IGF2BP2: variants seen among roughly 807,000 people sequenced by gnomAD.
IGF2BP2 encodes the protein insulin like growth factor 2 mRNA binding protein 2.
Under a neutral mutation model 75.8 loss-of-function variants are expected in IGF2BP2, and 17 were observed. That is an observed-to-expected ratio of 0.22 (90% CI 0.15 to 0.34). The LOEUF (loss-of-function observed/expected upper bound fraction) is 0.34, where lower values mean the gene tolerates loss of function less well. Ranked by LOEUF, IGF2BP2 falls within the 10% of genes least tolerant of loss-of-function variation. The pLI is 1.00. For synonymous variants in IGF2BP2, 288 were observed against 295.6 expected (o/e 0.97, Z 0.26); for missense variants, 516 against 772.4 (o/e 0.67, Z 3.93).
intron 2 of IGF2BP2, among the ~76,000 whole-genome samples, chr3:185,721,199 GT>G (rs1720487089): frequency 6.6e-6 from 1 of 151,762 alleles, no homozygotes; most frequent in African/African-American, 2.4e-5. Context: ...TTTTGTTTTT[GT>G]TTATTATTAT....
At chr3:185,793,827 T>A (rs997368017) in intron 2 of IGF2BP2, among the ~76,000 whole-genome samples, 1 of 152,110 alleles carries the variant, frequency 6.6e-6, no homozygotes, top group Non-Finnish European at 1.5e-5. Context: ...AGATTCCCAG[T>A]CTTGGAATCT....
chr3:185,673,726 GA>G (rs1718876016), intron 9 of IGF2BP2, among the ~76,000 whole-genome samples: 1 of 151,976 alleles, frequency 6.6e-6, no homozygotes, highest in South Asian at 2.1e-4. Flanking sequence ...AGAACTTTTG[GA>G]ATAGCAGTGC....
At chr3:185,735,723 T>G (rs554146993) in intron 2 of IGF2BP2, among the ~76,000 whole-genome samples, 121 of 152,268 alleles carry the variant, frequency 7.9e-4, no homozygotes, top group African/African-American at 2.7e-3. Flanking sequence ...TGCCACTAAA[T>G]AGCATCTCCT....
chr3:185,681,205 C>CA (rs1462907524), intron 7 of IGF2BP2, among the ~76,000 whole-genome samples: 2 of 151,820 alleles, frequency 1.3e-5, no homozygotes, highest in Non-Finnish European at 2.9e-5. Flanking sequence ...AAAGATTTTA[C>CA]AAAAAAGGTT....
rs772604103 is a variant in IGF2BP2 at position 185,645,513 on chromosome 3, C to G, written c.*18G>C. The stretch of plus-strand genomic sequence containing the variant: ...AGGGCTACATTCATCCGTTGTTTTG[C>G]TGGTGCCTGTGGGAGCCTCACTTGC... On this transcript the variant is annotated 3_prime_UTR_variant, in exon 16 of 16. Coordinates refer to ENST00000382199, the MANE Select transcript of IGF2BP2 (RefSeq NM_006548.6). This position sits in a 1 kb window ranked among gnomAD's most constrained non-coding sequence, Gnocchi z 4.9. The G allele has an allele frequency of 1.3e-6, 2 of 1,569,914 alleles. No homozygotes were observed. The highest frequency in any genetic ancestry group is 1.8e-6 in the Non-Finnish European group (2 of 1,139,988).
chr3:185,731,746 G>A (rs1204655347), intron 2 of IGF2BP2, among the ~76,000 whole-genome samples: 2 of 151,900 alleles, frequency 1.3e-5, no homozygotes, highest in East Asian at 2.0e-4. Flanking sequence ...AGGCCGAGGC[G>A]GGCGGATCAC....
intron 7 of IGF2BP2, among the ~76,000 whole-genome samples, chr3:185,680,187 CA>C (rs1320517341): frequency 6.6e-6 from 1 of 152,058 alleles, no homozygotes; most frequent in African/African-American, 2.4e-5. Context: ...TGTATGCCTA[CA>C]AATTTAATAA....
chr3:185,742,274 A>C (rs1401784309), intron 2 of IGF2BP2, among the ~76,000 whole-genome samples: 1 of 151,718 alleles, frequency 6.6e-6, no homozygotes, highest in African/African-American at 2.4e-5. Flanking sequence ...CAAGTGGATT[A>C]CTTGAGGTCA....
intron 10 of IGF2BP2, among the ~76,000 whole-genome samples, chr3:185,665,583 A>G (rs1239276381): frequency 1.1e-4 from 12 of 113,940 alleles, no homozygotes; most frequent in African/African-American, 2.0e-4. Context: ...AGAAGGAGAA[A>G]AGGAAGAAGA....
chr3:185,689,501 C>T lies in IGF2BP2; in HGVS notation c.531G>A (p.Arg177=). ...QRAQRGDHSS[R]EQGHAPGGTS... ...TGCCCCCAGGGGCGTGGCCTTGCTC[C>T]CGGGAAGAGTGGTCCCCACGCTGGG... Residue 177 remains arginine (R), a synonymous_variant, in exon 6 of 16, where the codon CGG becomes CGA. Transcript: ENST00000382199. 6.2e-7 allele frequency: 1 copy of T among 1,613,996 alleles called. No individual in the cohort carries two copies. The highest frequency in any genetic ancestry group is 8.5e-7 in the Non-Finnish European group (1 of 1,179,926).
At chr3:185,762,780 G>A (rs191053367) in intron 2 of IGF2BP2, among the ~76,000 whole-genome samples, 25 of 152,250 alleles carry the variant, frequency 1.6e-4, no homozygotes, top group African/African-American at 5.5e-4. Context: ...GCACAGATGA[G>A]TTTCTTAATA....
intron 3 of IGF2BP2, among the ~76,000 whole-genome samples, chr3:185,697,352 T>A (rs1722718445): frequency 1.3e-5 from 2 of 152,090 alleles, no homozygotes; most frequent in South Asian, 4.1e-4. Context: ...GTGATCCTCC[T>A]GCCTTGGCCT....
rs79642753 is a variant in IGF2BP2, at chr3:185,816,487, C to T, written c.239+6666G>A. On this transcript the variant is annotated intron_variant, in intron 2 of 15. Coordinates refer to ENST00000382199, the MANE Select transcript of IGF2BP2 (RefSeq NM_006548.6). Reference sequence around the variant, plus strand: ...ATGTATTTTCATATATTTCTACCACCCTCGAACAGCATTCTTCGAACTTTA... The same window carrying T: ...ATGTATTTTCATATATTTCTACCACTCTCGAACAGCATTCTTCGAACTTTA... 3.2e-3 allele frequency among the ~76,000 whole-genome samples: 488 copies of T among 152,262 alleles called. 4 individuals are homozygous for T. Among genetic ancestry groups the T allele is most frequent in the African/African-American group, 0.011 (443 of 41,536 alleles).
chr3:185,780,271 A>G (rs933304736), intron 2 of IGF2BP2, among the ~76,000 whole-genome samples: 2 of 152,204 alleles, frequency 1.3e-5, no homozygotes, highest in Admixed American at 6.6e-5. Context: ...GAGGAAAGGG[A>G]CCAGGATTAG....
At chr3:185,813,931 T>TA (rs1740257662) in intron 2 of IGF2BP2, 1 of 152,246 alleles carries the variant, frequency 6.6e-6, no homozygotes, top group Non-Finnish European at 1.5e-5. Flanking sequence ...TGTGAGGCCT[T>TA]AGAGAAAGAA....
At chr3:185,814,386 AC>A (rs1740325339) in intron 2 of IGF2BP2, among the ~76,000 whole-genome samples, 1 of 152,242 alleles carries the variant, frequency 6.6e-6, no homozygotes. Flanking sequence ...GTTAAAAATC[AC>A]AAGGATCAGT....
chr3:185,689,722 A>G, intron 5 of IGF2BP2, 95 bp from the exon 6 acceptor site: 1 of 1,429,958 alleles, frequency 7.0e-7, no homozygotes, highest in Non-Finnish European at 9.8e-7. Context: ...TAATCCCAGC[A>G]CTTTGGGAGG....
Position 185,692,680 on chromosome 3 carries a change from T to G in IGF2BP2, c.404+19A>C, listed in dbSNP as rs777334239. ...AAAAACAAATAAATTTAAACAGAAA[T>G]AAGCCCAAATCTGCTTACATTTTTG... On this transcript the variant is annotated intron_variant, in intron 5 of 15. Transcript: ENST00000382199. 2 of 1,588,156 alleles carry G rather than the reference T, an allele frequency of 1.3e-6. No individual in the cohort carries two copies. Among genetic ancestry groups the G allele is most frequent in the Non-Finnish European group, 1.7e-6 (2 of 1,160,990 alleles).
chr3:185,689,153 T>A (rs2149317507), intron 6 of IGF2BP2: 1 of 595,958 alleles, frequency 1.7e-6, no homozygotes, highest in Non-Finnish European at 2.9e-6. Context: ...CTTTATGAAC[T>A]TTTAGCCTCT....
Sources: gnomAD v4.1 joint callset for allele counts (sites outside exome capture counted in the v4.1 genomes callset) on GRCh38, gnomAD v4.1.1 for gene constraint, Gnocchi (gnomAD v3.1) non-coding constraint, MANE v1.5 for transcripts, NCBI Gene and HGNC (gene_info 2026-07-23, HGNC 2026-07-21) for gene names.